Variants in CLPB observed in about 807,000 individuals in gnomAD.
CLPB encodes the protein mitochondrial disaggregase.
CLPB carries 40 observed loss-of-function variants against 78.4 expected under a neutral mutation model. That is an observed-to-expected ratio of 0.51 (90% CI 0.40 to 0.66). The LOEUF (loss-of-function observed/expected upper bound fraction) is 0.66, where lower values mean the gene tolerates loss of function less well. Ranked by LOEUF, CLPB falls within the 30% of genes least tolerant of loss-of-function variation. CLPB has a pLI of 0.00. For synonymous variants in CLPB, 333 were observed against 348.0 expected, an observed-to-expected ratio of 0.96 and a Z score of 0.48; for missense variants, 780 against 886.9, an observed-to-expected ratio of 0.88 and a Z score of 1.53.
chr11:72,419,784 C>A lies in CLPB; in HGVS notation c.455+10528G>T, dbSNP rs1216720815. ...CCAGGGGAAATCTGGCTGTCACAGG[C>A]TCTCCTGATTCTCTGTGTCCTTCCT... On this transcript the variant is annotated intron_variant, in intron 2 of 15. Transcript: ENST00000538039. Among the ~76,000 whole-genome samples, 72 of 152,176 alleles carry A rather than the reference C, an allele frequency of 4.7e-4. 1 individual carries two copies. Among genetic ancestry groups the A allele is most frequent in the Admixed American group, 4.7e-3 (72 of 15,280 alleles).
At chr11:72,360,152 C>CT (rs1250438154) in intron 4 of CLPB, among the ~76,000 whole-genome samples, 2 of 152,196 alleles carry the variant, frequency 1.3e-5, no homozygotes, top group East Asian at 3.8e-4. Flanking sequence ...AGGCAACTGT[C>CT]TTACATTCCC....
intron 11 of CLPB, among the ~76,000 whole-genome samples, chr11:72,298,331 T>C (rs1457104156): frequency 6.6e-6 from 1 of 152,220 alleles, no homozygotes; most frequent in Non-Finnish European, 1.5e-5. Flanking sequence ...TGGCACTTGC[T>C]GCTTGTCCCT....
rs918777173 is a variant in CLPB, at chr11:72,294,691, C to A, written c.1489G>T (p.Asp497Tyr). ...SRNRIAENLG[D>Y]VQISDKITIS... ...GTGATCTTGTCACTTATCTGGACAT[C>A]CCCTGTGGAGAAGAATCATAAACTG... is the stretch of plus-strand genomic sequence containing the variant. The change falls in exon 13 of 16, where the codon GAT becomes TAT. Residue 497 changes from aspartate (D) to tyrosine (Y), a missense_variant and splice_region_variant. By Grantham distance (160) the Asp-to-Tyr change is radical (BLOSUM62 -3). Transcript: ENST00000538039. 2.4e-5 allele frequency: 38 copies of A among 1,613,372 alleles called. No individual in the cohort carries two copies. Among genetic ancestry groups the A allele is most frequent in the Non-Finnish European group, 3.0e-5 (35 of 1,179,380 alleles).
intron 3 of CLPB, among the ~76,000 whole-genome samples, chr11:72,401,098 A>T (rs1371626281): frequency 6.6e-6 from 1 of 152,112 alleles, no homozygotes; most frequent in Non-Finnish European, 1.5e-5. Context: ...CCAGGACTGG[A>T]CTCTAGGTCT....
intron 4 of CLPB, among the ~76,000 whole-genome samples, chr11:72,376,605 G>C (rs1854708678): frequency 6.6e-6 from 1 of 150,718 alleles, no homozygotes; most frequent in Non-Finnish European, 1.5e-5. Context: ...AAGCCACAGT[G>C]AGTTTATTAA....
chr11:72,417,366 T>C (rs1334189187), intron 2 of CLPB, among the ~76,000 whole-genome samples: 1 of 152,204 alleles, frequency 6.6e-6, no homozygotes, highest in African/African-American at 2.4e-5. Flanking sequence ...ATTCCATTTA[T>C]ATGAAATGTT....
At chr11:72,417,531 G>T (rs1312595119) in intron 2 of CLPB, among the ~76,000 whole-genome samples, 2 of 152,114 alleles carry the variant, frequency 1.3e-5, no homozygotes, top group Non-Finnish European at 2.9e-5. Context: ...AGTGGTGCTG[G>T]TTGCACAATC....
At chr11:72,323,364 C>T (rs976497756) in intron 6 of CLPB, among the ~76,000 whole-genome samples, 1 of 151,756 alleles carries the variant, frequency 6.6e-6, no homozygotes, top group East Asian at 1.9e-4. Context: ...GTCAAGAGAT[C>T]GAGACCATCC....
At chr11:72,341,995 G>T (rs1348964973) in intron 5 of CLPB, among the ~76,000 whole-genome samples, 1 of 152,176 alleles carries the variant, frequency 6.6e-6, no homozygotes, top group East Asian at 1.9e-4. Flanking sequence ...GGGGACAGAG[G>T]AGAGAATGGG....
chr11:72,383,508 G>GC (rs1232238273), intron 3 of CLPB, among the ~76,000 whole-genome samples: 1 of 149,272 alleles, frequency 6.7e-6, no homozygotes. Flanking sequence ...TCCAGCCTGG[G>GC]CGACAGAGCA....
chr11:72,366,774 T>C (rs1419893444), intron 4 of CLPB, among the ~76,000 whole-genome samples: 1 of 152,170 alleles, frequency 6.6e-6, no homozygotes, highest in African/African-American at 2.4e-5. Context: ...TTATACACTG[T>C]TGGAGGGAAT....
At position 72,293,605 on chromosome 11, in the gene CLPB, C is replaced by G; in HGVS notation, c.1796G>C (p.Arg599Pro). 1 of 1,612,288 alleles carries G rather than the reference C, an allele frequency of 6.2e-7. No homozygotes were observed. The highest frequency in any genetic ancestry group is 2.2e-5 in the East Asian group (1 of 44,800). ...ARSIKHEVER[R>P]VVNQLAAAYE... ...GGCTGCTGCCAGCTGGTTCACCACA[C>G]GGCGTTCTACCTGTCGGTGGGGAGG... Residue 599 changes from arginine to proline, a missense_variant, in exon 16 of 16, where the codon CGT becomes CCT. Around this residue, in one of 3 missense-constraint regions of CLPB, gnomAD observed 272 missense variants for 304.0 expected, o/e 0.89. Coordinates refer to ENST00000538039, the MANE Select transcript of CLPB (RefSeq NM_001258392.3).
intron 3 of CLPB, among the ~76,000 whole-genome samples, chr11:72,392,131 C>T (rs1855271809): frequency 1.3e-5 from 2 of 151,870 alleles, no homozygotes; most frequent in African/African-American, 4.8e-5. Flanking sequence ...GGCAGTGATC[C>T]CAGCTCCAGG....
At chr11:72,408,082 A>G (rs1350727948) in intron 2 of CLPB, 1 of 1,494,438 alleles carries the variant, frequency 6.7e-7, no homozygotes, top group Non-Finnish European at 9.0e-7. Flanking sequence ...AATATAAAGG[A>G]AAGGGCTCTA....
chr11:72,340,150 C>T lies in CLPB; in HGVS notation c.776-10346G>A, dbSNP rs72968901. Among the ~76,000 whole-genome samples the T allele has an allele frequency of 3.2e-3, 492 of 152,248 alleles. 4 individuals are homozygous for T. Among genetic ancestry groups the T allele is most frequent in the East Asian group, 0.019 (99 of 5,188 alleles). On this transcript the variant is annotated intron_variant, in intron 5 of 15. Coordinates refer to ENST00000538039, the MANE Select transcript of CLPB (RefSeq NM_001258392.3). ...AACACAGACATAAACATGCTCCTGC[C>T]GTTACCTTATTGCACTCGTCACACG...
At chr11:72,422,123 C>T (rs1285377850) in intron 2 of CLPB, among the ~76,000 whole-genome samples, 1 of 151,902 alleles carries the variant, frequency 6.6e-6, no homozygotes, top group Non-Finnish European at 1.5e-5. Context: ...AAAAATTGGC[C>T]GGGCGTGGTG....
At chr11:72,434,004 C>T in intron 1 of CLPB, 68 bp downstream of exon 1, 1 of 1,545,844 alleles carries the variant, frequency 6.5e-7, no homozygotes, top group Non-Finnish European at 8.8e-7. Flanking sequence ...ACCTCCCACC[C>T]TCCTAAGATA....
chr11:72,358,965 G>T lies in CLPB; in HGVS notation c.690C>A (p.Asn230Lys), dbSNP rs200517382. 1 of 1,613,586 alleles carries T rather than the reference G, an allele frequency of 6.2e-7. No homozygotes were observed. Among genetic ancestry groups the T allele is most frequent in the African/African-American group, 1.3e-5 (1 of 74,804 alleles). Residue 230 changes from asparagine to lysine, a missense_variant, in exon 5 of 16, where the codon AAC (asparagine) becomes AAA (lysine). Physicochemically the swap from Asn to Lys is moderately conservative, Grantham distance 94. Around this residue, in one of 3 missense-constraint regions of CLPB, gnomAD observed 417 missense variants for 414.7 expected, o/e 1.01. Transcript: ENST00000538039. ...CCGTGCAGCCCTTGAAACTGGCGCG[G>T]TTGTTCAGCCTGTTGTTGAAGTCAT... ...REDDFNNRLN[N>K]RASFKGCTAL... is the part of the protein sequence containing the mutation.
At chr11:72,431,863 G>C (rs1856554122) in intron 1 of CLPB, among the ~76,000 whole-genome samples, 1 of 152,178 alleles carries the variant, frequency 6.6e-6, no homozygotes, top group Non-Finnish European at 1.5e-5. Context: ...GTCAGTTCCA[G>C]CAGGAACTGG....
Sources: allele counts gnomAD v4.1 joint callset (sites outside exome capture counted in the v4.1 genomes callset), GRCh38; gene constraint gnomAD v4.1.1; regional missense constraint gnomAD v4.1.1; transcripts MANE v1.5; gene names NCBI Gene and HGNC (gene_info 2026-07-23, HGNC 2026-07-21).